STATH: variants seen among roughly 807,000 people sequenced by gnomAD.
STATH encodes the protein statherin.
STATH carries 11 observed loss-of-function variants against 13.3 expected under a neutral mutation model. The observed-to-expected ratio is 0.83, with a 90% CI of 0.52 to 1.37. The LOEUF is 1.37. Ranked by LOEUF, STATH falls within the 40% of genes most tolerant of loss-of-function variation. The pLI, the probability that STATH is intolerant of heterozygous loss-of-function variation, is 0.00. For missense variants in STATH, 78 were observed against 73.3 expected (o/e 1.06, Z -0.24); for synonymous variants, 25 against 23.6 (o/e 1.06, Z -0.17).
chr4:69,996,927 CTTTTTTTT>C (rs34282662), intron 1 of STATH, among the ~76,000 whole-genome samples: 2 of 107,586 alleles, frequency 1.9e-5, no homozygotes, highest in East Asian at 5.7e-4. Flanking sequence ...CAGAAATTTC[CTTTTTTTT>C]TTTTTTTTTT....
intron 2 of STATH, 117 bp downstream of exon 2, chr4:69,998,605 A>G (rs1724570164): frequency 1.2e-6 from 1 of 801,378 alleles, no homozygotes; most frequent in Non-Finnish European, 1.9e-6. Flanking sequence ...ATATGTTTAA[A>G]TGTTTCCATA....
intron 4 of STATH, 148 bp downstream of exon 4, chr4:69,999,957 A>G (rs998348359): frequency 2.3e-5 from 20 of 863,362 alleles, no homozygotes; most frequent in Non-Finnish European, 3.6e-5. Context: ...ATACACAGGT[A>G]ACAGTCACAA....
chr4:70,000,787 T>A (rs1724635427), intron 4 of STATH, 76 bp from the exon 5 acceptor site: 16 of 1,077,576 alleles, frequency 1.5e-5, no homozygotes, highest in Non-Finnish European at 2.0e-5. Flanking sequence ...TTTAACAATC[T>A]AAGCTTCTAA....
intron 1 of STATH, among the ~76,000 whole-genome samples, 172 bp downstream of exon 1, chr4:69,996,197 G>A (rs1402231813): frequency 1.3e-5 from 2 of 152,094 alleles, no homozygotes; most frequent in Non-Finnish European, 2.9e-5. Context: ...TTGAGAATCT[G>A]AATAACTATA....
intron 1 of STATH, among the ~76,000 whole-genome samples, chr4:69,996,908 C>T (rs1009103457): frequency 5.5e-5 from 8 of 145,838 alleles, no homozygotes; most frequent in Admixed American, 4.8e-4. Flanking sequence ...TTTACACTTA[C>T]TCTAATACCA....
chr4:69,998,120 C>T (rs1250212234), intron 1 of STATH, among the ~76,000 whole-genome samples: 1 of 152,104 alleles, frequency 6.6e-6, no homozygotes, highest in African/African-American at 2.4e-5. Context: ...CTTTACTCAT[C>T]CTGCATAATC....
chr4:69,998,344 G>T, intron 1 of STATH, 79 bp from the exon 2 acceptor site: 1 of 1,008,322 alleles, frequency 9.9e-7, no homozygotes, highest in Admixed American at 1.9e-5. Context: ...CAGTGCTTTG[G>T]AGCGTAGTAT....
chr4:69,998,211 T>C (rs1490652133), intron 1 of STATH: 1 of 518,426 alleles, frequency 1.9e-6, no homozygotes, highest in Non-Finnish European at 3.5e-6. Context: ...TGTGTTACTC[T>C]AATGCCTTAG....
At position 70,000,793 on chromosome 4, in the gene STATH, T is replaced by A. The variant is rs939403438; in HGVS notation, c.103-70T>A. On this transcript the variant is annotated intron_variant, in intron 4 of 5. Coordinates refer to ENST00000246895, the MANE Select transcript of STATH (RefSeq NM_003154.3). ...TCCTAAAACTTTAACAATCTAAGCTTCTAATAAAAACGCTTGCACTGTCAT... is the reference window on the plus strand; with the variant it reads ...TCCTAAAACTTTAACAATCTAAGCTACTAATAAAAACGCTTGCACTGTCAT... 7 of 1,145,082 alleles carry A rather than the reference T, an allele frequency of 6.1e-6. No individual in the cohort carries two copies. The African/African-American group carries it at 1.1e-4, about 18-fold the overall frequency. The allele number at this position is 1,145,082 out of a possible 1,614,324, so 70.9% of individuals were successfully genotyped here. A position where few individuals can be genotyped will look rare whatever the true frequency, so the allele number is the denominator to read the frequency against.
At chr4:70,001,289 T>C (rs1724661336) in intron 5 of STATH, among the ~76,000 whole-genome samples, 2 of 151,792 alleles carry the variant, frequency 1.3e-5, no homozygotes, top group African/African-American at 4.8e-5. Context: ...GTCAAAAAAT[T>C]GTGTATTATG....
At chr4:69,999,031 A>G (rs1373378278) in intron 2 of STATH, 3 of 152,448 alleles carry the variant, frequency 2.0e-5, no homozygotes, top group Admixed American at 1.3e-4. Context: ...GTCATTTACT[A>G]CTATGTATCA....
intron 2 of STATH, 113 bp from the exon 3 acceptor site, chr4:69,999,554 G>T (rs1261366349): frequency 6.0e-6 from 6 of 1,003,512 alleles, no homozygotes; most frequent in Non-Finnish European, 8.9e-6. Flanking sequence ...GTCTATCGAT[G>T]ATTTGCCTAC....
chr4:69,998,291 A>G lies in STATH; in HGVS notation c.-15-132A>G, dbSNP rs188518478. On this transcript the variant is annotated intron_variant, in intron 1 of 5. Coordinates refer to ENST00000246895, the MANE Select transcript of STATH (RefSeq NM_003154.3). ...ACAAGTCTCCAAGTTTCATGATGTC[A>G]GGCAATGGGTTTTAATTGTCTTTCT... The G allele has an allele frequency of 3.1e-4, 190 of 615,688 alleles. 1 individual carries two copies. In the East Asian group the frequency reaches 4.0e-3, roughly 13 times the overall value. 38.1% of individuals were successfully genotyped at this position (615,688 alleles called of 1,614,324 possible). A position where few individuals can be genotyped will look rare whatever the true frequency, so the allele number is the denominator to read the frequency against.
At position 70,000,986 on chromosome 4, in the gene STATH, A is replaced by G. The variant is rs1368718097; in HGVS notation, c.*33+4A>G. On this transcript the variant is annotated splice_donor_region_variant and intron_variant, in intron 5 of 5. Coordinates refer to ENST00000246895, the MANE Select transcript of STATH (RefSeq NM_003154.3). ...ACTGCAGGACATGATTATTGAGGTA[A>G]GATGGGTTTAGTGACATTTTTTTTA... 1.3e-6 allele frequency: 2 copies of G among 1,571,786 alleles called. No homozygotes were observed. The highest frequency in any genetic ancestry group is 1.7e-4 in the Middle Eastern group (1 of 5,976).
At chr4:69,996,926 CCT>C (rs1724520580) in intron 1 of STATH, among the ~76,000 whole-genome samples, 1 of 108,296 alleles carries the variant, frequency 9.2e-6, no homozygotes, top group South Asian at 2.9e-4. Flanking sequence ...CCAGAAATTT[CCT>C]TTTTTTTTTT....
intron 1 of STATH, among the ~76,000 whole-genome samples, chr4:69,997,225 C>T (rs1321103279): frequency 6.6e-6 from 1 of 152,142 alleles, no homozygotes; most frequent in East Asian, 1.9e-4. Context: ...TGATTACAGG[C>T]ATGAGCCACC....
At chr4:70,001,797 T>C (rs1422757663) in intron 5 of STATH, among the ~76,000 whole-genome samples, 1 of 151,758 alleles carries the variant, frequency 6.6e-6, no homozygotes, top group Non-Finnish European at 1.5e-5. Flanking sequence ...AATTCTCTAT[T>C]GCCATTAGTG....
chr4:70,000,079 A>T, intron 4 of STATH: 1 of 417,278 alleles, frequency 2.4e-6, no homozygotes, highest in Non-Finnish European at 4.3e-6. Flanking sequence ...TTTGACCTAA[A>T]AAATAGTTGA....
intron 2 of STATH, 106 bp from the exon 3 acceptor site, chr4:69,999,561 C>G: frequency 9.1e-7 from 1 of 1,102,642 alleles, no homozygotes; most frequent in Non-Finnish European, 1.3e-6. Flanking sequence ...GATGATTTGC[C>G]TACATCCTGT....
Sources: gnomAD v4.1 joint callset for allele counts (sites outside exome capture counted in the v4.1 genomes callset) on GRCh38, gnomAD v4.1.1 for gene constraint, MANE v1.5 for transcripts, NCBI Gene and HGNC (gene_info 2026-07-23, HGNC 2026-07-21) for gene names.